Variants in TMPRSS11F observed in about 807,000 individuals in gnomAD.
The protein encoded by TMPRSS11F is transmembrane serine protease 11F.
In TMPRSS11F, 47 loss-of-function variants were observed where a neutral mutation model predicts 60.2. The ratio of observed to expected loss-of-function variants is 0.78; its 90% CI spans 0.62 to 1.00. TMPRSS11F has a LOEUF of 1.00. Among genes scored for constraint, TMPRSS11F ranks in the 50% least tolerant of loss-of-function variants. The probability of loss-of-function intolerance (pLI) is 0.00; values close to 1 mark genes in which losing one functional copy is unlikely to be tolerated. For synonymous variants in TMPRSS11F, 166 were observed against 167.3 expected, an observed-to-expected ratio of 0.99 and a Z score of 0.06; for missense variants, 519 against 522.9, an observed-to-expected ratio of 0.99 and a Z score of 0.07.
intron 3 of TMPRSS11F, among the ~76,000 whole-genome samples, chr4:68,077,827 A>G (rs1005838537): frequency 5.3e-5 from 8 of 152,226 alleles, no homozygotes; most frequent in African/African-American, 1.9e-4. Flanking sequence ...TGTGCAAGGA[A>G]CACCAGGCTT....
chr4:68,073,661 A>T (rs1332279689), intron 4 of TMPRSS11F, among the ~76,000 whole-genome samples: 2 of 136,850 alleles, frequency 1.5e-5, no homozygotes, highest in African/African-American at 2.4e-5. Flanking sequence ...CTTAGCCCCT[A>T]GCTTAAGAGA....
chr4:68,097,236 T>C (rs1405752822), intron 2 of TMPRSS11F, among the ~76,000 whole-genome samples: 2 of 152,234 alleles, frequency 1.3e-5, no homozygotes, highest in East Asian at 3.8e-4. Context: ...CACGAATTTA[T>C]ACTCTTACAG....
chr4:68,109,374 T>C (rs2109879567), intron 1 of TMPRSS11F, among the ~76,000 whole-genome samples: 1 of 152,280 alleles, frequency 6.6e-6, no homozygotes, highest in South Asian at 2.1e-4. Context: ...TCTTATTGCC[T>C]TGGTGAAAAA....
Position 68,053,904 on chromosome 4 carries a change from C to A in TMPRSS11F, c.*5G>T. 6.2e-7 allele frequency: 1 copy of A among 1,612,066 alleles called. No individual in the cohort carries two copies. The highest frequency in any genetic ancestry group is 8.5e-7 in the Non-Finnish European group (1 of 1,178,552). ...GCCATGTGTATAACTCATGGGCAAT[C>A]CACACTACATACCAGTCTTTGAGGC... On this transcript the variant is annotated 3_prime_UTR_variant, in exon 10 of 10. Coordinates refer to ENST00000356291, the MANE Select transcript of TMPRSS11F (RefSeq NM_207407.2).
chr4:68,111,426 A>C (rs1208264277), intron 1 of TMPRSS11F, among the ~76,000 whole-genome samples: 1 of 152,152 alleles, frequency 6.6e-6, no homozygotes, highest in Non-Finnish European at 1.5e-5. Flanking sequence ...TTTACCACTT[A>C]CTAACTGTAT....
intron 1 of TMPRSS11F, among the ~76,000 whole-genome samples, chr4:68,099,934 TA>T (rs1000518924): frequency 6.6e-6 from 1 of 151,718 alleles, no homozygotes. Flanking sequence ...TGTGCCAAAA[TA>T]AATTTGTACA....
At chr4:68,124,781 T>C (rs1388989529) in intron 1 of TMPRSS11F, among the ~76,000 whole-genome samples, 1 of 152,058 alleles carries the variant, frequency 6.6e-6, no homozygotes, top group Admixed American at 6.6e-5. Context: ...TTTCTTTTTG[T>C]TTACAATAGT....
At chr4:68,059,244 TCC>T in intron 9 of TMPRSS11F, 80 bp downstream of exon 9, 1 of 1,451,592 alleles carries the variant, frequency 6.9e-7, no homozygotes. Context: ...TTTTTTTTTC[TCC>T]TAGGTAAAAT....
At chr4:68,080,350 A>G (rs1723665795) in intron 3 of TMPRSS11F, 1 of 152,232 alleles carries the variant, frequency 6.6e-6, no homozygotes, top group African/African-American at 2.4e-5. Flanking sequence ...AATTACTTAA[A>G]TGATAATGAG....
At chr4:68,086,885 C>T (rs1261619882) in intron 3 of TMPRSS11F, among the ~76,000 whole-genome samples, 4 of 151,928 alleles carry the variant, frequency 2.6e-5, no homozygotes, top group South Asian at 4.2e-4. Context: ...AACAAAAAAC[C>T]TACAAACAAA....
At chr4:68,076,361 T>C (rs774333785) in intron 3 of TMPRSS11F, among the ~76,000 whole-genome samples, 7 of 152,180 alleles carry the variant, frequency 4.6e-5, no homozygotes, top group Non-Finnish European at 1.0e-4. Context: ...TATTCCACAA[T>C]AGAAAATCAA....
At chr4:68,062,413 T>A in intron 8 of TMPRSS11F, 1 of 590,526 alleles carries the variant, frequency 1.7e-6, no homozygotes, top group Admixed American at 2.0e-5. Context: ...CCATAGAACT[T>A]AAAGCATTTT....
chr4:68,070,230 T>C (rs1468256354), intron 5 of TMPRSS11F, among the ~76,000 whole-genome samples: 1 of 152,208 alleles, frequency 6.6e-6, no homozygotes, highest in Non-Finnish European at 1.5e-5. Flanking sequence ...TCAGAGAGCA[T>C]TTTATTTCCT....
chr4:68,093,875 C>T (rs1334322072), intron 2 of TMPRSS11F, among the ~76,000 whole-genome samples: 1 of 143,814 alleles, frequency 7.0e-6, no homozygotes, highest in Admixed American at 7.0e-5. Flanking sequence ...GTTAGAATGG[C>T]AATCATTAAA....
intron 7 of TMPRSS11F, 102 bp downstream of exon 7, chr4:68,068,516 G>T: frequency 1.0e-6 from 1 of 962,394 alleles, no homozygotes; most frequent in Non-Finnish European, 1.6e-6. Context: ...ACCCTGAATG[G>T]AGCAAAGGTT....
At chr4:68,114,527 T>G (rs1042312159) in intron 1 of TMPRSS11F, among the ~76,000 whole-genome samples, 1 of 152,108 alleles carries the variant, frequency 6.6e-6, no homozygotes, top group Non-Finnish European at 1.5e-5. Context: ...AAGACACAGA[T>G]GTCTGAATAG....
chr4:68,082,653 G>A (rs1424431191), intron 3 of TMPRSS11F, among the ~76,000 whole-genome samples: 6 of 152,230 alleles, frequency 3.9e-5, no homozygotes, highest in Non-Finnish European at 1.5e-5. Flanking sequence ...AACCCCATGA[G>A]GCCAGAAGAT....
chr4:68,054,320 T>C (rs1722998680), intron 9 of TMPRSS11F, among the ~76,000 whole-genome samples: 1 of 152,138 alleles, frequency 6.6e-6, no homozygotes, highest in African/African-American at 2.4e-5. Flanking sequence ...AGGTTTTTTT[T>C]TTCTAGTTTG....
chr4:68,080,436 A>G (rs996155907), intron 3 of TMPRSS11F: 1 of 152,254 alleles, frequency 6.6e-6, no homozygotes, highest in Non-Finnish European at 1.5e-5. Context: ...CCCATACCCC[A>G]GCTTCGAGAA....
Sources: gnomAD v4.1 joint callset for allele counts (sites outside exome capture counted in the v4.1 genomes callset) on GRCh38, gnomAD v4.1.1 for gene constraint, MANE v1.5 for transcripts, NCBI Gene and HGNC (gene_info 2026-07-23, HGNC 2026-07-21) for gene names.